The following VPS26B variants were observed in gnomAD, a reference collection of about 807,000 sequenced individuals.
VPS26B encodes the protein VPS26 retromer complex component B.
A neutral mutation model predicts 33.3 loss-of-function variants in VPS26B; 10 were observed. The observed-to-expected ratio is 0.30, with a 90% CI of 0.19 to 0.51. The LOEUF (loss-of-function observed/expected upper bound fraction) is 0.51. VPS26B is among the 20% of genes least tolerant of loss of function. The pLI, the probability that VPS26B is intolerant of heterozygous loss-of-function variation, is 0.98. For missense variants in VPS26B, 317 were observed against 452.7 expected (o/e 0.70, Z 2.72); for synonymous variants, 190 against 176.9 (o/e 1.07, Z -0.59).
chr11:134,225,412 G>A (rs1183281474), intron 1 of VPS26B, 67 bp downstream of exon 1: 1 of 1,507,902 alleles, frequency 6.6e-7, no homozygotes. Context: ...GTGATTCAGG[G>A]CCCAGCTCCT....
At chr11:134,239,820 T>C in intron 2 of VPS26B, 171 bp from the exon 3 acceptor site, 1 of 697,242 alleles carries the variant, frequency 1.4e-6, no homozygotes, top group South Asian at 1.7e-5. Flanking sequence ...TATAGGTACA[T>C]ATGTGCATCT....
At chr11:134,243,026 C>CA in intron 3 of VPS26B, 93 bp from the exon 4 acceptor site, 1 of 1,304,770 alleles carries the variant, frequency 7.7e-7, no homozygotes, top group Admixed American at 1.8e-5. Context: ...GACGTTTAAC[C>CA]AGCACGCTTG....
In VPS26B at chr11:134,245,416, T is replaced by C. The variant is rs1938794918; in HGVS notation, c.865-28T>C. ...TGTCCCCATGCCTCCCTCTAAGGTG[T>C]CACATTGCCCCCCTTTCAATTCTGC... On this transcript the variant is annotated intron_variant, in intron 5 of 5. Transcript: ENST00000281187. This position sits in a 1 kb window ranked among gnomAD's most constrained non-coding sequence, Gnocchi z 4.7. 6.2e-7 allele frequency: 1 copy of C among 1,613,360 alleles called. No individual in the cohort carries two copies. The highest frequency in any genetic ancestry group is 1.3e-5 in the African/African-American group (1 of 74,916).
chr11:134,243,376 AC>A (rs1938763118), intron 4 of VPS26B, 82 bp downstream of exon 4: 1 of 1,490,864 alleles, frequency 6.7e-7, no homozygotes, highest in South Asian at 1.2e-5. Context: ...TTGAGGGATT[AC>A]ACTGTCAAAA....
intron 1 of VPS26B, among the ~76,000 whole-genome samples, chr11:134,228,575 T>C (rs1307559436): frequency 6.6e-6 from 1 of 152,248 alleles, no homozygotes; most frequent in Non-Finnish European, 1.5e-5. Flanking sequence ...TTTGTGTTCC[T>C]GAAATACACA....
intron 4 of VPS26B, 111 bp downstream of exon 4, chr11:134,243,405 C>T: frequency 7.8e-7 from 1 of 1,276,604 alleles, no homozygotes; most frequent in Non-Finnish European, 1.1e-6. Flanking sequence ...TCCTCTTAAC[C>T]TGTAACTTCT....
intron 1 of VPS26B, among the ~76,000 whole-genome samples, chr11:134,233,834 G>T (rs560075915): frequency 2.0e-5 from 3 of 152,174 alleles, no homozygotes; most frequent in African/African-American, 4.8e-5. Context: ...CAGTGGGAGC[G>T]GGGGAGACCA....
intron 2 of VPS26B, chr11:134,236,651 C>T (rs975027287): frequency 6.6e-6 from 1 of 152,180 alleles, no homozygotes; most frequent in African/African-American, 2.4e-5. Flanking sequence ...GACATTCTGT[C>T]CTATGCTACA....
Position 134,244,823 on chromosome 11 carries a change from C to T in VPS26B, c.722-115C>T. The T allele has an allele frequency of 7.1e-7, 1 of 1,405,906 alleles. No homozygotes were observed. The highest frequency in any genetic ancestry group is 9.4e-7 in the Non-Finnish European group (1 of 1,061,406). 87.1% of individuals were successfully genotyped at this position (1,405,906 alleles called of 1,614,324 possible). On this transcript the variant is annotated intron_variant, in intron 4 of 5. Coordinates refer to ENST00000281187, the MANE Select transcript of VPS26B (RefSeq NM_052875.5). The surrounding 1 kb of genome is among the most constrained non-coding windows in gnomAD (Gnocchi z 4.0). Reference sequence around the variant, plus strand: ...AGAGCGACTGCACCTTCCCAGAAGGCTGAAGTGCTCGTGTGCTGCACTCCA... The same window carrying T: ...AGAGCGACTGCACCTTCCCAGAAGGTTGAAGTGCTCGTGTGCTGCACTCCA...
chr11:134,227,858 T>C (rs1234490210), intron 1 of VPS26B, among the ~76,000 whole-genome samples: 1 of 152,230 alleles, frequency 6.6e-6, no homozygotes, highest in Non-Finnish European at 1.5e-5. Flanking sequence ...AATTGAGTTA[T>C]CACCCACTGG....
In VPS26B at chr11:134,225,018, G is replaced by A; in HGVS notation, c.-105G>A. On this transcript the variant is annotated 5_prime_UTR_variant, in exon 1 of 6. Transcript: ENST00000281187. ...GGAGCCAGGCAGCCCCGCGGCGGCC[G>A]AGCGCGCTCGCGCATCGGGCCCTCT... 1 of 1,121,678 alleles carries A rather than the reference G, an allele frequency of 8.9e-7. No individual in the cohort carries two copies. Among genetic ancestry groups the A allele is most frequent in the Non-Finnish European group, 1.2e-6 (1 of 859,080 alleles). 69.5% of individuals were successfully genotyped at this position (1,121,678 alleles called of 1,614,324 possible). A position where few individuals can be genotyped will look rare whatever the true frequency, so the allele number is the denominator to read the frequency against.
chr11:134,236,158 AT>A (rs1289203099), intron 2 of VPS26B, among the ~76,000 whole-genome samples: 7 of 149,144 alleles, frequency 4.7e-5, no homozygotes, highest in Non-Finnish European at 8.8e-5. Context: ...AAAAAAAAAA[AT>A]TTTTTTAATT....
At position 134,247,003 on chromosome 11, in the gene VPS26B, C is replaced by T. The variant is rs1938840305; in HGVS notation, c.*1413C>T. 6.6e-6 allele frequency: 1 copy of T among 152,124 alleles called. No homozygotes were observed. The highest frequency in any genetic ancestry group is 1.5e-5 in the Non-Finnish European group (1 of 68,060). The allele number at this position is 152,124 out of a possible 1,614,324, so 9.4% of individuals were successfully genotyped here. Reference sequence around the variant, plus strand: ...ATTTGGAAAGTTAAGGAGTTGGTTCCTGTGTCACCTTTCAGTTAGTGTGGG... The same window carrying T: ...ATTTGGAAAGTTAAGGAGTTGGTTCTTGTGTCACCTTTCAGTTAGTGTGGG... On this transcript the variant is annotated 3_prime_UTR_variant, in exon 6 of 6. Coordinates refer to ENST00000281187, the MANE Select transcript of VPS26B (RefSeq NM_052875.5).
At chr11:134,226,609 C>G (rs2136044243) in intron 1 of VPS26B, among the ~76,000 whole-genome samples, 1 of 152,292 alleles carries the variant, frequency 6.6e-6, no homozygotes. Flanking sequence ...AGTAAATACC[C>G]TGTGAGCTAC....
At chr11:134,226,624 C>A (rs555736957) in intron 1 of VPS26B, among the ~76,000 whole-genome samples, 1 of 152,270 alleles carries the variant, frequency 6.6e-6, no homozygotes, top group South Asian at 2.1e-4. Flanking sequence ...AGCTACACAC[C>A]TCTGGTAGAG....
intron 3 of VPS26B, among the ~76,000 whole-genome samples, chr11:134,241,563 A>G (rs1021896812): frequency 2.0e-5 from 3 of 152,196 alleles, no homozygotes; most frequent in Non-Finnish European, 4.4e-5. Flanking sequence ...GGTCCTGCCC[A>G]GAAAGGAGCC....
At chr11:134,238,069 A>G (rs1242233089) in intron 2 of VPS26B, among the ~76,000 whole-genome samples, 2 of 152,176 alleles carry the variant, frequency 1.3e-5, no homozygotes, top group East Asian at 1.9e-4. Flanking sequence ...TGCCGGACCA[A>G]GGCTTCCACA....
intron 1 of VPS26B, among the ~76,000 whole-genome samples, chr11:134,232,794 G>A (rs1287668261): frequency 6.6e-6 from 1 of 152,118 alleles, no homozygotes; most frequent in Non-Finnish European, 1.5e-5. Context: ...CTGAAACTAT[G>A]GCCAGAATCT....
At chr11:134,238,491 G>A (rs987645523) in intron 2 of VPS26B, among the ~76,000 whole-genome samples, 2 of 152,184 alleles carry the variant, frequency 1.3e-5, no homozygotes, top group Non-Finnish European at 2.9e-5. Context: ...TTACTGAGGT[G>A]AACCGAAAGG....
Sources: allele counts gnomAD v4.1 joint callset (sites outside exome capture counted in the v4.1 genomes callset), GRCh38; gene constraint gnomAD v4.1.1; non-coding constraint Gnocchi (gnomAD v3.1); transcripts MANE v1.5; gene names NCBI Gene and HGNC (gene_info 2026-07-23, HGNC 2026-07-21).